Variants in THSD7A observed in about 807,000 individuals in gnomAD.
THSD7A encodes thrombospondin type-1 domain-containing protein 7A.
In THSD7A, 96 loss-of-function variants were observed where a neutral mutation model predicts 231.3. The ratio of observed to expected loss-of-function variants is 0.41; its 90% CI spans 0.35 to 0.49. The LOEUF is 0.49. THSD7A is among the 20% of genes least tolerant of loss of function. The pLI, the probability that THSD7A is intolerant of heterozygous loss-of-function variation, is 0.05. For missense variants in THSD7A, 2,290 were observed against 2,070.2 expected (o/e 1.11, Z -2.06); for synonymous variants, 940 against 743.3 (o/e 1.26, Z -4.30).
intron 4 of THSD7A, among the ~76,000 whole-genome samples, chr7:11,569,007 C>T (rs1438878910): frequency 1.4e-5 from 2 of 146,188 alleles, no homozygotes; most frequent in Admixed American, 1.3e-4. Flanking sequence ...ACAAACCCTA[C>T]ACTCCTATCT....
At chr7:11,434,621 G>A (rs910691996) in intron 13 of THSD7A, among the ~76,000 whole-genome samples, 1 of 152,072 alleles carries the variant, frequency 6.6e-6, no homozygotes, top group Non-Finnish European at 1.5e-5. Context: ...CATTCTCTCT[G>A]AAACATCTGG....
At chr7:11,494,722 G>A (rs375861724) in intron 6 of THSD7A, among the ~76,000 whole-genome samples, 1 of 151,956 alleles carries the variant, frequency 6.6e-6, no homozygotes, top group Admixed American at 6.6e-5. Context: ...AGGATTTCTA[G>A]TCCATATTCC....
At position 11,375,808 on chromosome 7, in the gene THSD7A, C is replaced by G; in HGVS notation, c.4960G>C (p.Asp1654His). The G allele has an allele frequency of 6.2e-7, 1 of 1,612,462 alleles. No homozygotes were observed. Among genetic ancestry groups the G allele is most frequent in the Non-Finnish European group, 8.5e-7 (1 of 1,178,886 alleles). ...LKPLTLAYDG[D>H]ADM ...AAAGTTATATGTTACATGTCGGCAT[C>G]TCCATCATAGGCTAAGGTTAAAGGT... Residue 1654 changes from aspartate to histidine, a missense_variant, in exon 28 of 28, where the codon GAT (aspartate) becomes CAT (histidine). Coordinates refer to ENST00000423059, the MANE Select transcript of THSD7A (RefSeq NM_015204.3).
At chr7:11,638,953 C>T (rs1365259592) in intron 1 of THSD7A, among the ~76,000 whole-genome samples, 1 of 152,088 alleles carries the variant, frequency 6.6e-6, no homozygotes, top group Non-Finnish European at 1.5e-5. Flanking sequence ...AAAATGAGAA[C>T]CCAGTAATAT....
chr7:11,470,878 T>C (rs1289360136), intron 8 of THSD7A, among the ~76,000 whole-genome samples: 1 of 151,960 alleles, frequency 6.6e-6, no homozygotes, highest in East Asian at 1.9e-4. Context: ...AATGTCTAAC[T>C]TCATATAAGC....
At chr7:11,678,576 C>A (rs1341145101) in intron 1 of THSD7A, among the ~76,000 whole-genome samples, 1 of 152,150 alleles carries the variant, frequency 6.6e-6, no homozygotes, top group African/African-American at 2.4e-5. Flanking sequence ...CACCTCTATG[C>A]AAATGAATTA....
intron 1 of THSD7A, among the ~76,000 whole-genome samples, chr7:11,748,614 G>T (rs1277674932): frequency 6.6e-6 from 1 of 151,824 alleles, no homozygotes; most frequent in Non-Finnish European, 1.5e-5. Context: ...CACATAAATG[G>T]TGTACAAGAT....
At chr7:11,639,528 G>C (rs897373489) in intron 1 of THSD7A, among the ~76,000 whole-genome samples, 1 of 152,020 alleles carries the variant, frequency 6.6e-6, no homozygotes, top group African/African-American at 2.4e-5. Flanking sequence ...AATTAGCCAA[G>C]CGTGGTGGCG....
At chr7:11,408,979 C>T (rs1482246540) in intron 19 of THSD7A, among the ~76,000 whole-genome samples, 2 of 152,172 alleles carry the variant, frequency 1.3e-5, no homozygotes, top group African/African-American at 4.8e-5. Flanking sequence ...GTTTGAATCA[C>T]AGGATTCAAT....
chr7:11,770,145 T>C (rs562136143), intron 1 of THSD7A, among the ~76,000 whole-genome samples: 58 of 152,230 alleles, frequency 3.8e-4, no homozygotes, highest in Non-Finnish European at 6.5e-4. Flanking sequence ...TCATACATTT[T>C]TTAATAAAAC....
chr7:11,507,599 GTGTT>G (rs1277583633), intron 6 of THSD7A, among the ~76,000 whole-genome samples: 1 of 121,518 alleles, frequency 8.2e-6, no homozygotes, highest in Non-Finnish European at 1.7e-5. Flanking sequence ...GAAATAATGT[GTGTT>G]TTTTTTTTTT....
chr7:11,500,058 G>A (rs956005421), intron 6 of THSD7A, among the ~76,000 whole-genome samples: 4 of 152,034 alleles, frequency 2.6e-5, no homozygotes, highest in African/African-American at 4.8e-5. Context: ...GAATGTTAAA[G>A]GCAGCTAAAG....
At chr7:11,761,525 T>C (rs1050238586) in intron 1 of THSD7A, among the ~76,000 whole-genome samples, 3 of 152,162 alleles carry the variant, frequency 2.0e-5, no homozygotes, top group Non-Finnish European at 2.9e-5. Context: ...TATATATATG[T>C]AATGCATACA....
At chr7:11,392,041 G>A (rs1418587129) in intron 23 of THSD7A, among the ~76,000 whole-genome samples, 1 of 151,446 alleles carries the variant, frequency 6.6e-6, no homozygotes, top group East Asian at 2.0e-4. Context: ...GTTCCTATTT[G>A]GCCATCTTGC....
intron 2 of THSD7A, among the ~76,000 whole-genome samples, chr7:11,618,322 CAT>C (rs1223896502): frequency 1.3e-5 from 2 of 152,074 alleles, no homozygotes; most frequent in Non-Finnish European, 2.9e-5. Context: ...TGTATACACA[CAT>C]ATTGTATATA....
intron 7 of THSD7A, among the ~76,000 whole-genome samples, chr7:11,476,131 C>A (rs1167925453): frequency 2.0e-5 from 3 of 151,728 alleles, no homozygotes; most frequent in Non-Finnish European, 4.4e-5. Flanking sequence ...TGTTCAAATT[C>A]AACTATTTAT....
At chr7:11,789,158 A>C (rs1783876311) in intron 1 of THSD7A, among the ~76,000 whole-genome samples, 1 of 151,926 alleles carries the variant, frequency 6.6e-6, no homozygotes, top group South Asian at 2.1e-4. Flanking sequence ...TCCAAGCAGA[A>C]GGAATTGCAA....
chr7:11,419,938 G>T (rs1221951472), intron 16 of THSD7A, among the ~76,000 whole-genome samples: 1 of 152,146 alleles, frequency 6.6e-6, no homozygotes, highest in African/African-American at 2.4e-5. Context: ...GATGACTTAG[G>T]GTATTTGGTG....
chr7:11,443,788 T>C (rs568317321), intron 13 of THSD7A, among the ~76,000 whole-genome samples: 3 of 152,036 alleles, frequency 2.0e-5, no homozygotes, highest in Admixed American at 6.6e-5. Context: ...AGTACATACA[T>C]ACTCCTGTAA....
Sources: gnomAD v4.1 joint callset for allele counts (sites outside exome capture counted in the v4.1 genomes callset) on GRCh38, gnomAD v4.1.1 for gene constraint, MANE v1.5 for transcripts, NCBI Gene and HGNC (gene_info 2026-07-23, HGNC 2026-07-21) for gene names.